PDIA5: variants seen among roughly 807,000 people sequenced by gnomAD.
PDIA5 encodes the protein protein disulfide isomerase family A member 5.
Under a neutral mutation model 77.6 loss-of-function variants are expected in PDIA5, and 58 were observed. That is an observed-to-expected ratio of 0.75 (90% CI 0.61 to 0.93). The LOEUF (loss-of-function observed/expected upper bound fraction) is 0.93, where lower values mean the gene tolerates loss of function less well. Among genes scored for constraint, PDIA5 ranks in the 40% least tolerant of loss-of-function variants. PDIA5 has a pLI of 0.00. For missense variants in PDIA5, 630 were observed against 647.7 expected, an observed-to-expected ratio of 0.97 and a Z score of 0.30; for synonymous variants, 250 against 252.1, an observed-to-expected ratio of 0.99 and a Z score of 0.08.
chr3:123,143,742 G>A (rs1375202176), intron 11 of PDIA5, among the ~76,000 whole-genome samples: 6 of 152,166 alleles, frequency 3.9e-5, no homozygotes, highest in Admixed American at 3.9e-4. Flanking sequence ...TCTTGTTGTG[G>A]AGCCTCCCAC....
chr3:123,070,478 C>A (rs1933692992), intron 1 of PDIA5, among the ~76,000 whole-genome samples: 2 of 152,204 alleles, frequency 1.3e-5, no homozygotes, highest in Admixed American at 1.3e-4. Flanking sequence ...GCTTTGGGAA[C>A]CCTTAGCCTT....
intron 11 of PDIA5, among the ~76,000 whole-genome samples, chr3:123,134,426 G>A (rs1223896611): frequency 6.6e-6 from 1 of 152,158 alleles, no homozygotes; most frequent in Non-Finnish European, 1.5e-5. Context: ...GCCTGGAACT[G>A]ATGGGATGCT....
At chr3:123,139,836 C>T (rs139445735) in intron 11 of PDIA5, among the ~76,000 whole-genome samples, 12 of 152,176 alleles carry the variant, frequency 7.9e-5, no homozygotes, top group African/African-American at 9.6e-5. Flanking sequence ...TGTGGAGCAG[C>T]GTGGTCAGTA....
chr3:123,124,315 G>A lies in PDIA5; in HGVS notation c.745G>A (p.Ala249Thr), dbSNP rs780553675. The A allele has an allele frequency of 6.2e-7, 1 of 1,613,762 alleles. No homozygotes were observed. The highest frequency in any genetic ancestry group is 8.5e-7 in the Non-Finnish European group (1 of 1,179,630). ...LFQYDNYGST[A>T]EDIVEWLKNP... ...CCAGTATGACAACTATGGGTCCACA[G>A]CTGAGGACATTGTGGAGTGGCTGAA... Residue 249 changes from alanine to threonine, a missense_variant, in exon 10 of 17, where the codon GCT becomes ACT. By Grantham distance (58) the Ala-to-Thr change is moderately conservative (BLOSUM62 0). Transcript: ENST00000316218.
At chr3:123,106,598 ACAC>A in intron 5 of PDIA5, 148 bp from the exon 6 acceptor site, 1 of 627,768 alleles carries the variant, frequency 1.6e-6, no homozygotes, top group Non-Finnish European at 2.8e-6. Flanking sequence ...CGGAAATAAC[ACAC>A]CCTCCAAGCT....
At position 123,102,420 on chromosome 3, in the gene PDIA5, G is replaced by T. The variant is rs1576443560; in HGVS notation, c.267G>T (p.Glu89Asp). The T allele has an allele frequency of 6.2e-7, 1 of 1,613,508 alleles. No individual in the cohort carries two copies. Among genetic ancestry groups the T allele is most frequent in the African/African-American group, 1.3e-5 (1 of 75,030 alleles). ...TICWVDCGDA[E>D]SRKLCKKMKV... ...CATTTGTGTCTTCCAGTGATGCAGA[G>T]AGTAGAAAATTGTGCAAGAAGATGA... Residue 89 changes from glutamate to aspartate, a missense_variant, in exon 4 of 17, where the codon GAG becomes GAT. Coordinates refer to ENST00000316218, the MANE Select transcript of PDIA5 (RefSeq NM_006810.4).
At chr3:123,161,700 C>G (rs1216363981) in intron 16 of PDIA5, 180 bp from the exon 17 acceptor site, 4 of 658,692 alleles carry the variant, frequency 6.1e-6, no homozygotes, top group East Asian at 2.7e-5. Flanking sequence ...AGGGTTTTCT[C>G]ACTTGCTGGT....
intron 11 of PDIA5, among the ~76,000 whole-genome samples, chr3:123,131,600 A>T (rs544818732): frequency 6.7e-6 from 1 of 148,710 alleles, no homozygotes; most frequent in Admixed American, 6.7e-5. Context: ...ATCATCCAGC[A>T]TCTAGAATGC....
At chr3:123,128,187 G>A (rs1364864665) in intron 10 of PDIA5, among the ~76,000 whole-genome samples, 1 of 152,232 alleles carries the variant, frequency 6.6e-6, no homozygotes, top group East Asian at 1.9e-4. Flanking sequence ...ACAGGCTATA[G>A]CTCTGCTTCA....
intron 1 of PDIA5, among the ~76,000 whole-genome samples, chr3:123,083,243 AG>A (rs1354063759): frequency 6.9e-6 from 1 of 145,464 alleles, no homozygotes; most frequent in Non-Finnish European, 1.5e-5. Flanking sequence ...AAGCTCTGTG[AG>A]GGGGTTTGGA....
At chr3:123,121,065 T>A (rs1935105349) in intron 8 of PDIA5, among the ~76,000 whole-genome samples, 1 of 152,212 alleles carries the variant, frequency 6.6e-6, no homozygotes, top group Non-Finnish European at 1.5e-5. Context: ...TCTTAGGTAT[T>A]TCAAGCCTTT....
At chr3:123,089,423 C>T in intron 2 of PDIA5, 129 bp downstream of exon 2, 2 of 830,038 alleles carry the variant, frequency 2.4e-6, no homozygotes, top group East Asian at 2.5e-5. Context: ...GGGTTTGTCA[C>T]CTTTCCTCAG....
chr3:123,097,099 C>G (rs1402401483), intron 3 of PDIA5, among the ~76,000 whole-genome samples: 1 of 152,236 alleles, frequency 6.6e-6, no homozygotes, highest in Non-Finnish European at 1.5e-5. Flanking sequence ...AGATGCAAGA[C>G]TGGGGGCCTG....
Position 123,161,502 on chromosome 3 carries a change from G to A in PDIA5, c.1479+47G>A, listed in dbSNP as rs761032538. The A allele has an allele frequency of 2.5e-6, 4 of 1,590,032 alleles. No homozygotes were observed. The African/African-American group carries it at 4.0e-5, about 16-fold the overall frequency. On this transcript the variant is annotated intron_variant, in intron 16 of 16. Transcript: ENST00000316218. ...GCCCAGAGCTCTCTCTCTGCTGATGGGCAGGGAAACTTCCACTGAGGAGGG... is the reference window on the plus strand; with the variant it reads ...GCCCAGAGCTCTCTCTCTGCTGATGAGCAGGGAAACTTCCACTGAGGAGGG...
At chr3:123,158,459 G>T (rs1440619421) in intron 15 of PDIA5, among the ~76,000 whole-genome samples, 1 of 152,144 alleles carries the variant, frequency 6.6e-6, no homozygotes, top group African/African-American at 2.4e-5. Flanking sequence ...GTTCAGAGAG[G>T]ACCCTGGAAG....
chr3:123,070,811 G>A (rs1252331045), intron 1 of PDIA5, among the ~76,000 whole-genome samples: 3 of 152,146 alleles, frequency 2.0e-5, no homozygotes, highest in Non-Finnish European at 2.9e-5. Context: ...ATGGAGAAAC[G>A]TCGAGCTGGA....
At chr3:123,144,459 T>C (rs1224189447) in intron 11 of PDIA5, 2 of 152,258 alleles carry the variant, frequency 1.3e-5, no homozygotes, top group Admixed American at 1.3e-4. Context: ...GGCCAGAAAG[T>C]ACTCTTTCTA....
intron 11 of PDIA5, among the ~76,000 whole-genome samples, chr3:123,139,219 G>A (rs936339085): frequency 1.3e-5 from 2 of 152,086 alleles, no homozygotes; most frequent in Non-Finnish European, 2.9e-5. Context: ...CCGGAGTCCC[G>A]CTCCCTGCAT....
At position 123,116,272 on chromosome 3, in the gene PDIA5, G is replaced by T; in HGVS notation, c.583G>T (p.Ala195Ser). The change falls in exon 8 of 17, where the codon GCT becomes TCT. Residue 195 changes from alanine (A) to serine (S), a missense_variant. Physicochemically the swap from Ala to Ser is moderately conservative, Grantham distance 99. Coordinates refer to ENST00000316218, the MANE Select transcript of PDIA5 (RefSeq NM_006810.4). ...CKRMMPHFQK[A>S]ATQLRGHAVL... is the part of the protein sequence containing the mutation. Reference sequence around the variant, plus strand: ...GAGGATGATGCCGCATTTCCAGAAGGCTGCGACTCAGCTGCGAGGCCACGC... The same window carrying T: ...GAGGATGATGCCGCATTTCCAGAAGTCTGCGACTCAGCTGCGAGGCCACGC... The T allele has an allele frequency of 6.2e-7, 1 of 1,613,886 alleles. No individual in the cohort carries two copies. The highest frequency in any genetic ancestry group is 8.5e-7 in the Non-Finnish European group (1 of 1,180,012).
Sources: allele counts gnomAD v4.1 joint callset (sites outside exome capture counted in the v4.1 genomes callset), GRCh38; gene constraint gnomAD v4.1.1; transcripts MANE v1.5; gene names NCBI Gene and HGNC (gene_info 2026-07-23, HGNC 2026-07-21).